ZC3H12B: variants seen among roughly 807,000 people sequenced by gnomAD.
The protein encoded by ZC3H12B is probable ribonuclease ZC3H12B.
In ZC3H12B, 7 loss-of-function variants were observed where a neutral mutation model predicts 43.9. The ratio of observed to expected loss-of-function variants is 0.16; its 90% CI spans 0.09 to 0.30. ZC3H12B has a LOEUF of 0.30. Among genes scored for constraint, ZC3H12B ranks in the 10% least tolerant of loss-of-function variants. The pLI is 1.00. For missense variants in ZC3H12B, 475 were observed against 670.2 expected (o/e 0.71, Z 3.22); for synonymous variants, 222 against 241.7 (o/e 0.92, Z 0.76).
At chrX:65,360,983 G>A in the ZC3H12B span, among the ~76,000 whole-genome samples, 1 of 111,975 alleles carries the variant, frequency 8.9e-6, no homozygotes, top group South Asian at 3.7e-4. Context: ...TTTTTTATAT[G>A]TTGGTTCTAA....
At chrX:65,176,570 G>A in the ZC3H12B span, among the ~76,000 whole-genome samples, 1 of 111,405 alleles carries the variant, frequency 9.0e-6, no homozygotes, top group African/African-American at 3.3e-5. Flanking sequence ...GTGGGTCCCT[G>A]ACATAATAAA....
chrX:65,398,481 G>A (rs781317513), intron 2 of ZC3H12B, 112 bp from the exon 5 acceptor site: 6 of 111,533 alleles, frequency 5.4e-5, no homozygotes, highest in Non-Finnish European at 9.4e-5. Context: ...TTAGATCATT[G>A]GGGTGGATTT....
chrX:65,254,574 A>G, the ZC3H12B span, among the ~76,000 whole-genome samples: 4 of 112,279 alleles, frequency 3.6e-5, no homozygotes, highest in African/African-American at 1.3e-4. Flanking sequence ...AAAGATAGCA[A>G]CTTCAAAGAT....
At chrX:65,191,645 AT>A in the ZC3H12B span, among the ~76,000 whole-genome samples, 1 of 16,313 alleles carries the variant, frequency 6.1e-5, no homozygotes, top group African/African-American at 4.5e-4. Flanking sequence ...CAGTGGTGAT[AT>A]CCCCTTTATA....
the ZC3H12B span, among the ~76,000 whole-genome samples, chrX:65,069,404 C>A: frequency 9.2e-6 from 1 of 109,086 alleles, no homozygotes; most frequent in East Asian, 2.9e-4. Flanking sequence ...ATCACTAATC[C>A]TTCGGTTCTG....
the ZC3H12B span, among the ~76,000 whole-genome samples, chrX:65,177,307 C>T: frequency 9.0e-6 from 1 of 111,568 alleles, no homozygotes; most frequent in Non-Finnish European, 1.9e-5. Flanking sequence ...TTATGCAAAC[C>T]CACAGCCAAT....
chrX:65,454,011 G>C (rs915475911), intron 3 of ZC3H12B, among the ~76,000 whole-genome samples: 5 of 111,897 alleles, frequency 4.5e-5, no homozygotes, highest in Non-Finnish European at 9.4e-5. Flanking sequence ...AGAAAGGGTG[G>C]AGCCAAGATG....
At chrX:65,074,779 T>A in the ZC3H12B span, among the ~76,000 whole-genome samples, 1 of 112,131 alleles carries the variant, frequency 8.9e-6, no homozygotes, top group East Asian at 2.8e-4. Context: ...TCAGTTCACT[T>A]ATTGTATTCT....
chrX:65,105,012 C>T, the ZC3H12B span, among the ~76,000 whole-genome samples: 1 of 111,770 alleles, frequency 8.9e-6, no homozygotes, highest in East Asian at 2.8e-4. Flanking sequence ...CCCAAATGCC[C>T]ATCAATGATA....
At chrX:65,220,473 T>C in the ZC3H12B span, among the ~76,000 whole-genome samples, 2 of 111,610 alleles carry the variant, frequency 1.8e-5, no homozygotes, top group African/African-American at 6.5e-5. Context: ...ACCTGACACA[T>C]AAGGACTCAC....
chrX:65,240,997 C>T, the ZC3H12B span, among the ~76,000 whole-genome samples: 2 of 111,376 alleles, frequency 1.8e-5, no homozygotes, highest in Admixed American at 9.5e-5. Context: ...TCTGGAGACC[C>T]CTGTTGGGAG....
the ZC3H12B span, among the ~76,000 whole-genome samples, chrX:65,224,142 G>C: frequency 1.8e-5 from 2 of 112,283 alleles, no homozygotes; most frequent in East Asian, 5.6e-4. Context: ...TGAAAGAGTG[G>C]AATTCACAGC....
chrX:65,406,181 C>T (rs1016429212), intron 3 of ZC3H12B, among the ~76,000 whole-genome samples: 1 of 109,704 alleles, frequency 9.1e-6, no homozygotes, highest in Non-Finnish European at 1.9e-5. Context: ...CAGACAAAGA[C>T]ACAACAAAAA....
the ZC3H12B span, among the ~76,000 whole-genome samples, chrX:65,160,336 G>A: frequency 4.5e-5 from 5 of 111,870 alleles, no homozygotes; most frequent in African/African-American, 1.6e-4. Context: ...AGAAGGAATG[G>A]TACCAGTTCC....
the ZC3H12B span, among the ~76,000 whole-genome samples, chrX:65,279,030 A>T: frequency 9.4e-6 from 1 of 106,549 alleles, no homozygotes; most frequent in Admixed American, 9.7e-5. Context: ...ACATTTTTTT[A>T]ATTTAATCTA....
At chrX:65,084,249 C>CA in the ZC3H12B span, among the ~76,000 whole-genome samples, 1 of 111,354 alleles carries the variant, frequency 9.0e-6, no homozygotes, top group Admixed American at 9.5e-5. Context: ...AAAGCGAAAA[C>CA]AAACAAATGA....
At chrX:65,155,348 C>T in the ZC3H12B span, among the ~76,000 whole-genome samples, 1 of 110,275 alleles carries the variant, frequency 9.1e-6, no homozygotes, top group Non-Finnish European at 1.9e-5. Flanking sequence ...ATAGTTTATC[C>T]CCGTGCTTTG....
chrX:65,219,591 C>T, the ZC3H12B span, among the ~76,000 whole-genome samples: 1 of 111,310 alleles, frequency 9.0e-6, no homozygotes, highest in Admixed American at 9.6e-5. Flanking sequence ...TGAATTAACC[C>T]AGTCCAACAA....
At chrX:65,422,053 G>T (rs915353059) in intron 3 of ZC3H12B, among the ~76,000 whole-genome samples, 2 of 111,930 alleles carry the variant, frequency 1.8e-5, no homozygotes, top group Non-Finnish European at 3.8e-5. Context: ...TAGCATGGTG[G>T]AATGGCCTTT....
Sources: gnomAD v4.1 joint callset for allele counts (sites outside exome capture counted in the v4.1 genomes callset) on GRCh38, gnomAD v4.1.1 for gene constraint, MANE v1.5 for transcripts, NCBI Gene and HGNC (gene_info 2026-07-23, HGNC 2026-07-21) for gene names.